Variants in ARHGAP24 observed in about 807,000 individuals in gnomAD.
ARHGAP24 encodes Rho GTPase activating protein 24, also known as rho GTPase-activating protein 24.
A neutral mutation model predicts 76.4 loss-of-function variants in ARHGAP24; 50 were observed. The ratio of observed to expected loss-of-function variants is 0.65; its 90% CI spans 0.52 to 0.83. ARHGAP24 has a LOEUF of 0.83. ARHGAP24 is among the 40% of genes least tolerant of loss of function. The pLI is 0.00. For missense variants in ARHGAP24, 930 were observed against 914.2 expected, an observed-to-expected ratio of 1.02 and a Z score of -0.22; for synonymous variants, 345 against 323.3, an observed-to-expected ratio of 1.07 and a Z score of -0.72.
intron 2 of ARHGAP24, among the ~76,000 whole-genome samples, chr4:85,605,459 T>G (rs1462877267): frequency 6.6e-6 from 1 of 152,212 alleles, no homozygotes; most frequent in African/African-American, 2.4e-5. Context: ...TTACATGATG[T>G]TAACATGGTT....
intron 2 of ARHGAP24, among the ~76,000 whole-genome samples, chr4:85,598,505 T>C (rs905100538): frequency 2.0e-5 from 3 of 152,202 alleles, no homozygotes; most frequent in Non-Finnish European, 4.4e-5. Context: ...GTTTGTGAAC[T>C]TTTTACTCTT....
intron 3 of ARHGAP24, among the ~76,000 whole-genome samples, chr4:85,736,145 C>G (rs1419761102): frequency 6.6e-6 from 1 of 152,128 alleles, no homozygotes; most frequent in African/African-American, 2.4e-5. Context: ...ATGTCAATTG[C>G]TGCTTCTTTA....
At chr4:85,747,531 G>A (rs1447457226) in intron 3 of ARHGAP24, among the ~76,000 whole-genome samples, 1 of 152,018 alleles carries the variant, frequency 6.6e-6, no homozygotes, top group Non-Finnish European at 1.5e-5. Flanking sequence ...GTGAAACCCC[G>A]TCTCTACTAA....
rs185551862 is a variant in ARHGAP24 at position 85,819,963 on chromosome 4, A to C, written c.268+97991A>C. Among the ~76,000 whole-genome samples the C allele has an allele frequency of 3.2e-3, 479 of 151,368 alleles. 6 individuals carry two copies. The Middle Eastern group carries it at 0.041, about 13-fold the overall frequency. ...CAGCATCATGCTTCCTGTACGGCCT[A>C]TGGAACCATGAGCCAATTAAACCTC... On this transcript the variant is annotated intron_variant, in intron 3 of 9. Coordinates refer to ENST00000395184, the MANE Select transcript of ARHGAP24 (RefSeq NM_001025616.3).
intron 1 of ARHGAP24, among the ~76,000 whole-genome samples, chr4:85,476,381 G>C (rs554758444): frequency 1.3e-5 from 2 of 152,172 alleles, no homozygotes; most frequent in East Asian, 3.9e-4. Flanking sequence ...AATTAAACAA[G>C]TAATTTCTCC....
intron 3 of ARHGAP24, among the ~76,000 whole-genome samples, chr4:85,855,250 TTCAAA>T (rs1216300866): frequency 3.9e-5 from 6 of 152,202 alleles, no homozygotes; most frequent in African/African-American, 1.4e-4. Flanking sequence ...AAACTAAATC[TTCAAA>T]CTCTATATCC....
chr4:85,949,420 G>C (rs1406467571), intron 5 of ARHGAP24, among the ~76,000 whole-genome samples: 1 of 152,166 alleles, frequency 6.6e-6, no homozygotes, highest in Non-Finnish European at 1.5e-5. Context: ...TGTTCCACTT[G>C]GTGTTGGATG....
At chr4:85,737,861 C>T (rs1352031776) in intron 3 of ARHGAP24, among the ~76,000 whole-genome samples, 1 of 152,142 alleles carries the variant, frequency 6.6e-6, no homozygotes, top group Non-Finnish European at 1.5e-5. Context: ...AGCTGTCTTT[C>T]CACTCTTCCA....
chr4:85,668,465 A>G (rs558690494), intron 2 of ARHGAP24, among the ~76,000 whole-genome samples: 70 of 152,364 alleles, frequency 4.6e-4, no homozygotes, highest in African/African-American at 1.6e-3. Context: ...GTGCTGATAC[A>G]AAATTAGAGT....
At chr4:85,964,518 G>C (rs1433656860) in intron 5 of ARHGAP24, among the ~76,000 whole-genome samples, 4 of 152,036 alleles carry the variant, frequency 2.6e-5, no homozygotes, top group Non-Finnish European at 5.9e-5. Context: ...ACACCACTTA[G>C]AGGCCAGCAG....
At chr4:85,989,704 C>A (rs1321847340) in intron 8 of ARHGAP24, among the ~76,000 whole-genome samples, 1 of 151,524 alleles carries the variant, frequency 6.6e-6, no homozygotes, top group African/African-American at 2.4e-5. Flanking sequence ...GGGGTTTATC[C>A]CAGGAAGACA....
intron 1 of ARHGAP24, among the ~76,000 whole-genome samples, chr4:85,531,560 A>G (rs1019062252): frequency 3.3e-5 from 5 of 152,060 alleles, no homozygotes; most frequent in Non-Finnish European, 7.4e-5. Context: ...CTGTTTTATT[A>G]CTGGCCTTGC....
intron 2 of ARHGAP24, among the ~76,000 whole-genome samples, chr4:85,591,196 C>T (rs1728092760): frequency 6.6e-6 from 1 of 151,892 alleles, no homozygotes; most frequent in African/African-American, 2.4e-5. Context: ...AGGCATGGCG[C>T]CACCATGCCT....
chr4:85,560,954 T>A (rs1726573229), intron 1 of ARHGAP24, among the ~76,000 whole-genome samples: 1 of 152,226 alleles, frequency 6.6e-6, no homozygotes, highest in Admixed American at 6.5e-5. Context: ...AATTTTAATG[T>A]AGACCCCAAA....
chr4:85,874,810 ATTTATATATAATTTATATATAAAATATAT>A (rs1732742428), intron 3 of ARHGAP24, among the ~76,000 whole-genome samples: 3 of 58,340 alleles, frequency 5.1e-5, no homozygotes, highest in Admixed American at 2.9e-4. Flanking sequence ...TATAAAATAT[ATTTATATATAATTTATATATAAAATATAT>A]TTTTATATAA....
chr4:85,813,289 T>C (rs1375861556), intron 3 of ARHGAP24, among the ~76,000 whole-genome samples: 1 of 152,212 alleles, frequency 6.6e-6, no homozygotes, highest in Non-Finnish European at 1.5e-5. Context: ...AATTTCTCCA[T>C]AAACTGCTTT....
chr4:85,477,076 C>T (rs1034935095), intron 1 of ARHGAP24, among the ~76,000 whole-genome samples: 28 of 151,992 alleles, frequency 1.8e-4, no homozygotes, highest in Non-Finnish European at 1.6e-4. Context: ...CATTCACAGG[C>T]AGTATATTCT....
chr4:85,615,108 GT>G (rs1439969438), intron 2 of ARHGAP24, among the ~76,000 whole-genome samples: 2 of 151,900 alleles, frequency 1.3e-5, no homozygotes, highest in African/African-American at 2.4e-5. Flanking sequence ...AAAAGGGTGT[GT>G]TTTTCCTTTA....
At chr4:85,938,820 T>A (rs1736797311) in intron 4 of ARHGAP24, among the ~76,000 whole-genome samples, 1 of 152,114 alleles carries the variant, frequency 6.6e-6, no homozygotes, top group Non-Finnish European at 1.5e-5. Flanking sequence ...TCCAGAGTAT[T>A]TTCCTTCTCT....
Sources: gnomAD v4.1 joint callset for allele counts (sites outside exome capture counted in the v4.1 genomes callset) on GRCh38, gnomAD v4.1.1 for gene constraint, MANE v1.5 for transcripts, NCBI Gene and HGNC (gene_info 2026-07-23, HGNC 2026-07-21) for gene names.